The following PMM1 variants were observed in gnomAD, a reference collection of about 807,000 sequenced individuals.
The protein encoded by PMM1 is brain glucose-1,6-bisphosphatase.
Under a neutral mutation model 34.0 loss-of-function variants are expected in PMM1, and 25 were observed. The observed-to-expected ratio is 0.73, with a 90% CI of 0.54 to 1.03. The LOEUF (loss-of-function observed/expected upper bound fraction) is 1.03. PMM1 is among the 50% of genes least tolerant of loss of function. The pLI, the probability that PMM1 is intolerant of heterozygous loss-of-function variation, is 0.00. For synonymous variants in PMM1, 134 were observed against 143.9 expected (o/e 0.93, Z 0.49); for missense variants, 321 against 350.1 (o/e 0.92, Z 0.66).
intron 5 of PMM1, chr22:41,580,405 G>A (rs982227347): frequency 3.3e-5 from 5 of 152,266 alleles, no homozygotes; most frequent in Admixed American, 2.0e-4. Flanking sequence ...AGAAGGCTCT[G>A]GGGTGGGGAG....
At chr22:41,588,409 T>C (rs1005141641) in intron 1 of PMM1, among the ~76,000 whole-genome samples, 3 of 152,316 alleles carry the variant, frequency 2.0e-5, no homozygotes, top group African/African-American at 7.2e-5. Context: ...TTAGTAGAGA[T>C]AGGGTTTCAC....
intron 1 of PMM1, chr22:41,588,588 C>T: frequency 1.1e-6 from 1 of 903,784 alleles, no homozygotes; most frequent in East Asian, 1.2e-4. Context: ...TTCCTGACCT[C>T]AGGTGATCTG....
chr22:41,584,133 C>G, intron 4 of PMM1, 75 bp from the exon 5 acceptor site: 1 of 1,354,934 alleles, frequency 7.4e-7, no homozygotes, highest in East Asian at 2.3e-5. Context: ...CACCTGGGAC[C>G]CCAGCCTCCT....
intron 1 of PMM1, among the ~76,000 whole-genome samples, chr22:41,588,233 G>GTTT (rs1316102040): frequency 2.0e-5 from 3 of 151,972 alleles, no homozygotes; most frequent in African/African-American, 7.2e-5. Context: ...GTTTTGTTTT[G>GTTT]TTTTGAGACT....
rs1325791670 is a variant in PMM1 at position 41,582,078 on chromosome 22, A to T, written c.474+1881T>A. On this transcript the variant is annotated intron_variant, in intron 5 of 7. Coordinates refer to ENST00000216259, the MANE Select transcript of PMM1 (RefSeq NM_002676.3). ...AGAATTGTTTGAACCCGGGAGGTGG[A>T]GGTTGCAGTGAGCCGAGATTGTGCC... is the stretch of plus-strand genomic sequence containing the variant. 2.4e-5 allele frequency among the ~76,000 whole-genome samples: 3 copies of T among 124,212 alleles called. No homozygotes were observed. The Admixed American group carries it at 2.5e-4, about 10-fold the overall frequency. The allele number at this position is 124,212 out of a possible 152,430, so 81.5% of individuals were successfully genotyped here.
chr22:41,582,374 G>A (rs531231227), intron 5 of PMM1, among the ~76,000 whole-genome samples: 27 of 152,186 alleles, frequency 1.8e-4, no homozygotes, highest in African/African-American at 5.8e-4. Context: ...TGTGAGGATC[G>A]CTTGAGCCTG....
intron 4 of PMM1, 64 bp from the exon 5 acceptor site, chr22:41,584,122 C>T (rs554121219): frequency 1.4e-6 from 2 of 1,382,998 alleles, no homozygotes; most frequent in Non-Finnish European, 1.0e-6. Flanking sequence ...AAATCTAGCC[C>T]CACCTGGGAC....
rs565593642 is a variant in PMM1 at position 41,580,840 on chromosome 22, G to A, written c.475-1959C>T. Among the ~76,000 whole-genome samples the A allele has an allele frequency of 3.4e-4, 51 of 152,216 alleles. 3 individuals are homozygous for A. In the South Asian group the frequency reaches 0.01, roughly 31 times the overall value. On this transcript the variant is annotated intron_variant, in intron 5 of 7. Coordinates refer to ENST00000216259, the MANE Select transcript of PMM1 (RefSeq NM_002676.3). ...ACTAAAAAATACAAAAATTAGGCCGGGCGCGGTGGCTCATGCCCGTAATTC... is the reference window on the plus strand; with the variant it reads ...ACTAAAAAATACAAAAATTAGGCCGAGCGCGGTGGCTCATGCCCGTAATTC...
rs780702938 is a variant in PMM1, at chr22:41,584,293, A to G, written c.362T>C (p.Leu121Pro). 1 of 1,614,044 alleles carries G rather than the reference A, an allele frequency of 6.2e-7. No homozygotes were observed. Among genetic ancestry groups the G allele is most frequent in the Admixed American group, 1.7e-5 (1 of 60,020 alleles). The change falls in exon 4 of 8, where the codon CTG becomes CCG. Residue 121 changes from leucine to proline, a missense_variant. Physicochemically the swap from Leu to Pro is moderately conservative, Grantham distance 98. Coordinates refer to ENST00000216259, the MANE Select transcript of PMM1 (RefSeq NM_002676.3). ...FCLSYMALLR[L>P]PKKRGTFIEF... ...GGTGGGACCTCACCGCTTCTTGGGC[A>G]GCCTGAGCAGGGCCATGTAGCTGAG...
chr22:41,581,301 G>A (rs1569054443), intron 5 of PMM1, among the ~76,000 whole-genome samples: 1 of 151,686 alleles, frequency 6.6e-6, no homozygotes, highest in Non-Finnish European at 1.5e-5. Flanking sequence ...TCCAGCCTGG[G>A]TGACAGAGCA....
chr22:41,582,266 T>C (rs1173818664), intron 5 of PMM1, among the ~76,000 whole-genome samples: 1 of 152,110 alleles, frequency 6.6e-6, no homozygotes. Flanking sequence ...AAAACTGGCC[T>C]GGGAGACACA....
At chr22:41,585,525 T>G (rs1165962940) in intron 2 of PMM1, 3 of 151,934 alleles carry the variant, frequency 2.0e-5, no homozygotes, top group African/African-American at 7.3e-5. Context: ...GTAGCCTCAC[T>G]CTGTCACCCA....
chr22:41,585,200 T>C (rs555906992), intron 2 of PMM1: 2 of 152,338 alleles, frequency 1.3e-5, no homozygotes, highest in South Asian at 4.2e-4. Context: ...GGAGATATTT[T>C]GGGGTTTGCT....
chr22:41,584,714 G>A (rs1487865586), intron 2 of PMM1, 111 bp from the exon 3 acceptor site: 3 of 732,960 alleles, frequency 4.1e-6, no homozygotes, highest in Non-Finnish European at 6.9e-6. Flanking sequence ...ACATTCAAAG[G>A]CCATTTGTTC....
chr22:41,585,739 C>T (rs963367379), intron 2 of PMM1, among the ~76,000 whole-genome samples: 37 of 152,144 alleles, frequency 2.4e-4, no homozygotes, highest in Admixed American at 9.2e-4. Flanking sequence ...GTGATCCATC[C>T]GCCTCGGCCT....
Position 41,584,044 on chromosome 22 carries a change from TCGATGAAGGTTC to T in PMM1, c.377_388del (p.Gly126_Ile129del). The T allele has an allele frequency of 1.9e-6, 3 of 1,613,256 alleles. No individual in the cohort carries two copies. The highest frequency in any genetic ancestry group is 2.5e-6 in the Non-Finnish European group (3 of 1,179,304). On this transcript the variant is annotated inframe_deletion and splice_region_variant, in exon 5 of 8. Coordinates refer to ENST00000216259, the MANE Select transcript of PMM1 (RefSeq NM_002676.3). The stretch of plus-strand genomic sequence containing the variant: ...GATGTTCAGCATGCCATTCCGGAAC[TCGATGAAGGTTC>T]CACTGGTGGTGAGGGAGGGCGGGGA...
chr22:41,587,062 T>C (rs188307361), intron 1 of PMM1, among the ~76,000 whole-genome samples: 12 of 150,594 alleles, frequency 8.0e-5, no homozygotes, highest in Admixed American at 7.9e-4. Flanking sequence ...GGTCAGGGGA[T>C]TGAGACCATC....
intron 1 of PMM1, chr22:41,586,507 G>A (rs1325122596): frequency 3.2e-5 from 10 of 309,978 alleles, no homozygotes; most frequent in Non-Finnish European, 5.3e-5. Flanking sequence ...TGTCATCCAG[G>A]CTGGAGTGCA....
intron 2 of PMM1, chr22:41,584,847 A>C (rs1601493729): frequency 2.1e-5 from 9 of 437,108 alleles, no homozygotes; most frequent in Middle Eastern, 6.0e-4. Context: ...TTCTGTCAGA[A>C]CCGCCCTTCC....
Sources: gnomAD v4.1 joint callset for allele counts (sites outside exome capture counted in the v4.1 genomes callset) on GRCh38, gnomAD v4.1.1 for gene constraint, MANE v1.5 for transcripts, NCBI Gene and HGNC (gene_info 2026-07-23, HGNC 2026-07-21) for gene names.